Variants in TEAD1 observed in about 807,000 individuals in gnomAD.
TEAD1 encodes transcriptional enhancer factor TEF-1.
TEAD1 carries 9 observed loss-of-function variants against 54.9 expected under a neutral mutation model. That is an observed-to-expected ratio of 0.16 (90% CI 0.10 to 0.29). TEAD1 has a LOEUF of 0.29. Among genes scored for constraint, TEAD1 ranks in the 10% least tolerant of loss-of-function variants. The probability of loss-of-function intolerance (pLI) is 1.00; values close to 1 mark genes in which losing one functional copy is unlikely to be tolerated. For missense variants in TEAD1, 387 were observed against 535.9 expected, an observed-to-expected ratio of 0.72 and a Z score of 2.74; for synonymous variants, 200 against 187.8, an observed-to-expected ratio of 1.07 and a Z score of -0.53.
At chr11:12,733,277 C>G (rs1489696929) in intron 2 of TEAD1, among the ~76,000 whole-genome samples, 1 of 152,198 alleles carries the variant, frequency 6.6e-6, no homozygotes, top group African/African-American at 2.4e-5. Flanking sequence ...GTGAACTTTG[C>G]AGCATTTCCT....
In TEAD1 at chr11:12,940,587, C is replaced by G. The variant is rs148937126; in HGVS notation, c.*3365C>G. 1.3e-5 allele frequency: 2 copies of G among 152,240 alleles called. No individual in the cohort carries two copies. Among genetic ancestry groups the G allele is most frequent in the Non-Finnish European group, 2.9e-5 (2 of 68,070 alleles). 9.4% of individuals were successfully genotyped at this position (152,240 alleles called of 1,614,324 possible). A position where few individuals can be genotyped will look rare whatever the true frequency, so the allele number is the denominator to read the frequency against. On this transcript the variant is annotated 3_prime_UTR_variant, in exon 13 of 13. Transcript: ENST00000527636. Reference sequence around the variant, plus strand: ...TTCTGTTTCACAACAATTTCTCTCTCGCTACAAGTATTCTTTCACTCAGCA... The same window carrying G: ...TTCTGTTTCACAACAATTTCTCTCTGGCTACAAGTATTCTTTCACTCAGCA...
chr11:12,773,780 A>C (rs2133938405), intron 3 of TEAD1, among the ~76,000 whole-genome samples: 1 of 152,338 alleles, frequency 6.6e-6, no homozygotes, highest in East Asian at 1.9e-4. Flanking sequence ...TTAACAGCGA[A>C]AGTTTTAATT....
intron 2 of TEAD1, among the ~76,000 whole-genome samples, chr11:12,739,629 G>C (rs1280149255): frequency 1.3e-5 from 2 of 152,072 alleles, no homozygotes; most frequent in African/African-American, 4.8e-5. Context: ...TTTCAAGGCT[G>C]GATAATATTC....
chr11:12,904,900 G>T, intron 10 of TEAD1: 1 of 347,366 alleles, frequency 2.9e-6, no homozygotes, highest in Non-Finnish European at 5.5e-6. Context: ...CCCAGGAAAG[G>T]CGTCTCCTGG....
intron 2 of TEAD1, among the ~76,000 whole-genome samples, chr11:12,697,729 T>TCTCAGAATAGAGGGCTGG: frequency 6.6e-6 from 1 of 152,154 alleles, no homozygotes; most frequent in Non-Finnish European, 1.5e-5. Flanking sequence ...TGTAGAAAGT[T>TCTCAGAATAGAGGGCTGG]CTCAGAATAG....
At chr11:12,856,427 C>T (rs1396683039) in intron 3 of TEAD1, among the ~76,000 whole-genome samples, 1 of 152,064 alleles carries the variant, frequency 6.6e-6, no homozygotes, top group Admixed American at 6.6e-5. Flanking sequence ...GAGGCCTCCA[C>T]CAGCTGGTAG....
chr11:12,809,046 A>G (rs1056964994), intron 3 of TEAD1, among the ~76,000 whole-genome samples: 3 of 152,230 alleles, frequency 2.0e-5, no homozygotes, highest in Admixed American at 2.0e-4. Context: ...ATCCCAAAGT[A>G]GAAACCAAAA....
intron 3 of TEAD1, among the ~76,000 whole-genome samples, chr11:12,779,271 T>C (rs1485054909): frequency 2.0e-5 from 3 of 152,198 alleles, no homozygotes; most frequent in Non-Finnish European, 4.4e-5. Context: ...ACTGTAGAGT[T>C]CAGAAGGGTG....
intron 5 of TEAD1, among the ~76,000 whole-genome samples, chr11:12,870,368 G>T (rs987836888): frequency 1.3e-5 from 2 of 152,040 alleles, no homozygotes; most frequent in African/African-American, 4.8e-5. Flanking sequence ...AACTAGAAAG[G>T]GAATAATGCG....
Position 12,943,280 on chromosome 11 carries a change from A to G in TEAD1, c.*6058A>G, listed in dbSNP as rs1949177218. The G allele has an allele frequency of 4.6e-5, 7 of 152,754 alleles. No homozygotes were observed. The highest frequency in any genetic ancestry group is 3.9e-4 in the East Asian group (2 of 5,186). 9.5% of individuals were successfully genotyped at this position (152,754 alleles called of 1,614,324 possible). A position where few individuals can be genotyped will look rare whatever the true frequency, so the allele number is the denominator to read the frequency against. ...TTCTCAACTCTTCCCTGCCAGCACT[A>G]TACCACAGTGTGGAAGAAATTAGTC... is the stretch of plus-strand genomic sequence containing the variant. On this transcript the variant is annotated 3_prime_UTR_variant, in exon 13 of 13. Transcript: ENST00000527636.
chr11:12,870,290 G>T (rs879382027), intron 5 of TEAD1, among the ~76,000 whole-genome samples: 2 of 152,112 alleles, frequency 1.3e-5, no homozygotes, highest in Non-Finnish European at 2.9e-5. Flanking sequence ...CAACAATTTG[G>T]TGACCTTGGA....
chr11:12,807,274 G>A (rs1015265242), intron 3 of TEAD1, among the ~76,000 whole-genome samples: 2 of 152,150 alleles, frequency 1.3e-5, no homozygotes, highest in African/African-American at 4.8e-5. Flanking sequence ...TTGCCACAGG[G>A]TATAGTTCTG....
In TEAD1 at chr11:12,938,950, C is replaced by T. The variant is rs1949135060; in HGVS notation, c.*1728C>T. 1 of 152,194 alleles carries T rather than the reference C, an allele frequency of 6.6e-6. No individual in the cohort carries two copies. 9.4% of individuals were successfully genotyped at this position (152,194 alleles called of 1,614,324 possible). Reference sequence around the variant, plus strand: ...ATAAAAAACTTAGTTCTACCACATCCAATTAACTTACACACCCCCTTCCCT... The same window carrying T: ...ATAAAAAACTTAGTTCTACCACATCTAATTAACTTACACACCCCCTTCCCT... On this transcript the variant is annotated 3_prime_UTR_variant, in exon 13 of 13. Transcript: ENST00000527636.
intron 10 of TEAD1, among the ~76,000 whole-genome samples, chr11:12,923,201 C>T (rs1001389898): frequency 2.1e-4 from 32 of 152,196 alleles, no homozygotes; most frequent in African/African-American, 7.7e-4. Flanking sequence ...TCACTGTGTC[C>T]TTTGGTCTCA....
At chr11:12,817,960 C>T (rs150397650) in intron 3 of TEAD1, among the ~76,000 whole-genome samples, 14 of 152,282 alleles carry the variant, frequency 9.2e-5, no homozygotes, top group East Asian at 1.9e-4. Context: ...GCAAAGAAAG[C>T]GGCGTTTGTT....
intron 3 of TEAD1, among the ~76,000 whole-genome samples, chr11:12,804,740 A>T (rs988197637): frequency 3.9e-5 from 6 of 152,186 alleles, no homozygotes; most frequent in African/African-American, 1.4e-4. Flanking sequence ...GCCTCTCTCC[A>T]CTATACTGTA....
rs141264478 is a variant in TEAD1, at chr11:12,688,331, C to CT, written c.-55+12773dup. 6.4e-3 allele frequency among the ~76,000 whole-genome samples: 967 copies of CT among 152,222 alleles called. 7 individuals are homozygous for CT. The highest frequency in any genetic ancestry group is 0.022 in the African/African-American group (923 of 41,534). ...GGTTGTTTACAGGGTTGATACCCCTCTTTGACACCTTGGTTGGTTTTTGGT... is the reference window on the plus strand; with the variant it reads ...GGTTGTTTACAGGGTTGATACCCCTCTTTTGACACCTTGGTTGGTTTTTGGT... On this transcript the variant is annotated intron_variant, in intron 2 of 12. Transcript: ENST00000527636.
chr11:12,770,960 C>T (rs1945299853), intron 3 of TEAD1, among the ~76,000 whole-genome samples: 1 of 152,138 alleles, frequency 6.6e-6, no homozygotes, highest in African/African-American at 2.4e-5. Flanking sequence ...GATTTCCACC[C>T]CTTGGAGAAT....
intron 3 of TEAD1, among the ~76,000 whole-genome samples, chr11:12,840,299 C>G (rs1374179214): frequency 7.0e-6 from 1 of 143,278 alleles, no homozygotes; most frequent in African/African-American, 2.6e-5. Context: ...CGGGCCAAGG[C>G]AAGAAGGGTG....
Sources: allele counts gnomAD v4.1 joint callset (sites outside exome capture counted in the v4.1 genomes callset), GRCh38; gene constraint gnomAD v4.1.1; transcripts MANE v1.5; gene names NCBI Gene and HGNC (gene_info 2026-07-23, HGNC 2026-07-21).